DPP10: variants seen among roughly 807,000 people sequenced by gnomAD.
The protein encoded by DPP10 is dipeptidyl peptidase like 10, also known as inactive dipeptidyl peptidase 10.
A neutral mutation model predicts 120.9 loss-of-function variants in DPP10; 33 were observed. The ratio of observed to expected loss-of-function variants is 0.27; its 90% CI spans 0.21 to 0.37. The LOEUF is 0.37. DPP10 is among the 10% of genes least tolerant of loss of function. The pLI is 1.00. For missense variants in DPP10, 816 were observed against 942.8 expected, an observed-to-expected ratio of 0.87 and a Z score of 1.76; for synonymous variants, 337 against 326.1, an observed-to-expected ratio of 1.03 and a Z score of -0.36.
At position 115,357,212 on chromosome 2, in the gene DPP10, T is replaced by C. The variant is rs1487652688; in HGVS notation, c.271+13300T>C. 2.6e-5 allele frequency among the ~76,000 whole-genome samples: 4 copies of C among 152,180 alleles called. No individual in the cohort carries two copies. The East Asian group carries it at 7.7e-4, about 29-fold the overall frequency. On this transcript the variant is annotated intron_variant, in intron 3 of 25. Coordinates refer to ENST00000410059, the MANE Select transcript of DPP10 (RefSeq NM_020868.6). Reference sequence around the variant, plus strand: ...ATAGCCTAATGGATAATGGTCCAAGTTCAGAGTCTCATCTGAGACAAGGGA... The same window carrying C: ...ATAGCCTAATGGATAATGGTCCAAGCTCAGAGTCTCATCTGAGACAAGGGA...
At chr2:114,444,820 T>C (rs989058268) in intron 1 of DPP10, among the ~76,000 whole-genome samples, 1 of 152,172 alleles carries the variant, frequency 6.6e-6, no homozygotes, top group African/African-American at 2.4e-5. Context: ...AATATTGCTC[T>C]GGGGAGCAAA....
At chr2:115,069,588 A>C (rs1156279883) in intron 1 of DPP10, among the ~76,000 whole-genome samples, 2 of 152,116 alleles carry the variant, frequency 1.3e-5, no homozygotes, top group African/African-American at 4.8e-5. Context: ...TCTCAATACA[A>C]TTACAAAGAC....
intron 3 of DPP10, among the ~76,000 whole-genome samples, chr2:115,491,335 A>G (rs2076108801): frequency 6.6e-6 from 1 of 152,060 alleles, no homozygotes. Flanking sequence ...CTGGTATAAG[A>G]GTTATAGAGG....
At chr2:114,624,949 AT>A (rs1453751942) in intron 1 of DPP10, among the ~76,000 whole-genome samples, 1 of 151,984 alleles carries the variant, frequency 6.6e-6, no homozygotes, top group Non-Finnish European at 1.5e-5. Context: ...CTATTAATTC[AT>A]TTGTAAATAA....
At chr2:115,354,419 G>C (rs1327013922) in intron 3 of DPP10, among the ~76,000 whole-genome samples, 2 of 151,958 alleles carry the variant, frequency 1.3e-5, no homozygotes, top group Non-Finnish European at 2.9e-5. Context: ...TTTGCTTGTG[G>C]TATTTGGTTT....
chr2:115,006,195 C>G (rs1009961748), intron 1 of DPP10, among the ~76,000 whole-genome samples: 1 of 151,742 alleles, frequency 6.6e-6, no homozygotes, highest in Non-Finnish European at 1.5e-5. Flanking sequence ...CCAGGCCTGC[C>G]CTAAAAGAGC....
chr2:115,229,289 G>A (rs186599125), intron 1 of DPP10, among the ~76,000 whole-genome samples: 25 of 152,212 alleles, frequency 1.6e-4, no homozygotes, highest in Admixed American at 7.9e-4. Context: ...CTTATCAGAT[G>A]GATAGTCTGA....
chr2:114,467,469 TG>T (rs1679500076), intron 1 of DPP10, among the ~76,000 whole-genome samples: 1 of 152,160 alleles, frequency 6.6e-6, no homozygotes, highest in Admixed American at 6.5e-5. Context: ...TGAAGCATTG[TG>T]TGGATCAAAC....
At chr2:115,049,668 C>G (rs1365583948) in intron 1 of DPP10, among the ~76,000 whole-genome samples, 1 of 152,136 alleles carries the variant, frequency 6.6e-6, no homozygotes, top group Non-Finnish European at 1.5e-5. Flanking sequence ...TTCATTCCAG[C>G]CGATCTGATA....
chr2:114,815,745 T>C (rs987258497), intron 1 of DPP10, among the ~76,000 whole-genome samples: 2 of 152,108 alleles, frequency 1.3e-5, no homozygotes, highest in African/African-American at 4.8e-5. Flanking sequence ...TTGTGTAGGC[T>C]GGTGCACTGA....
chr2:115,035,762 G>T (rs1410156835), intron 1 of DPP10, among the ~76,000 whole-genome samples: 1 of 152,126 alleles, frequency 6.6e-6, no homozygotes, highest in Admixed American at 6.6e-5. Context: ...AGGTTGTCAT[G>T]GGATTTATAC....
intron 1 of DPP10, among the ~76,000 whole-genome samples, chr2:114,499,841 A>C (rs1166197118): frequency 6.6e-6 from 1 of 152,206 alleles, no homozygotes; most frequent in African/African-American, 2.4e-5. Flanking sequence ...ATTTAAAATA[A>C]ATTTCCTTAA....
intron 5 of DPP10, among the ~76,000 whole-genome samples, chr2:115,658,414 A>C (rs2088597229): frequency 6.6e-6 from 1 of 151,496 alleles, no homozygotes; most frequent in African/African-American, 2.4e-5. Context: ...AATGAATTCG[A>C]TGTCTTAAAA....
intron 1 of DPP10, among the ~76,000 whole-genome samples, chr2:114,824,990 A>G (rs2106371681): frequency 6.6e-6 from 1 of 152,322 alleles, no homozygotes; most frequent in Middle Eastern, 3.4e-3. Context: ...GATTCACTCA[A>G]CAAGTGCTCA....
At chr2:115,023,619 T>C (rs1478668980) in intron 1 of DPP10, among the ~76,000 whole-genome samples, 1 of 152,190 alleles carries the variant, frequency 6.6e-6, no homozygotes, top group Non-Finnish European at 1.5e-5. Context: ...AGATCTGCTG[T>C]TCGATCCAGT....
chr2:115,818,943 T>C (rs1687537098), intron 21 of DPP10, among the ~76,000 whole-genome samples: 1 of 152,210 alleles, frequency 6.6e-6, no homozygotes, highest in South Asian at 2.1e-4. Context: ...CAAATATGCA[T>C]ATCTGTGACT....
chr2:114,577,766 T>C (rs565645525), intron 1 of DPP10, among the ~76,000 whole-genome samples: 2 of 152,292 alleles, frequency 1.3e-5, no homozygotes, highest in African/African-American at 4.8e-5. Context: ...AGGAGCCTGT[T>C]CCATGCCTGT....
At chr2:114,567,227 G>C (rs1033971173) in intron 1 of DPP10, among the ~76,000 whole-genome samples, 7 of 152,174 alleles carry the variant, frequency 4.6e-5, no homozygotes, top group African/African-American at 1.7e-4. Flanking sequence ...TTGGTAGACA[G>C]AATAATAGCC....
At chr2:115,368,783 ATTAATTTTAATT>A (rs144308549) in intron 3 of DPP10, among the ~76,000 whole-genome samples, 2 of 151,248 alleles carry the variant, frequency 1.3e-5, no homozygotes, top group South Asian at 2.1e-4. Flanking sequence ...TTTAATTGAA[ATTAATTTTAATT>A]TTAATTTTAA....
Sources: allele counts gnomAD v4.1 joint callset (sites outside exome capture counted in the v4.1 genomes callset), GRCh38; gene constraint gnomAD v4.1.1; transcripts MANE v1.5; gene names NCBI Gene and HGNC (gene_info 2026-07-23, HGNC 2026-07-21).